The following SLC2A13 variants were observed in gnomAD, a reference collection of about 807,000 sequenced individuals.
The protein encoded by SLC2A13 is proton myo-inositol cotransporter.
A neutral mutation model predicts 64.4 loss-of-function variants in SLC2A13; 32 were observed. That is an observed-to-expected ratio of 0.50 (90% confidence interval 0.37 to 0.67). The LOEUF is 0.67. Among genes scored for constraint, SLC2A13 ranks in the 30% least tolerant of loss-of-function variants. The pLI is 0.00. For missense variants in SLC2A13, 743 were observed against 829.2 expected, an observed-to-expected ratio of 0.90 and a Z score of 1.28; for synonymous variants, 338 against 327.1, an observed-to-expected ratio of 1.03 and a Z score of -0.36.
chr12:39,959,481 G>A (rs1329993831), intron 3 of SLC2A13, among the ~76,000 whole-genome samples: 1 of 152,182 alleles, frequency 6.6e-6, no homozygotes, highest in Non-Finnish European at 1.5e-5. Flanking sequence ...TATTATTCCA[G>A]GTTGCTAATG....
intron 4 of SLC2A13, among the ~76,000 whole-genome samples, chr12:39,923,162 GGAA>G (rs1030345332): frequency 6.6e-5 from 10 of 152,058 alleles, no homozygotes; most frequent in African/African-American, 2.2e-4. Flanking sequence ...AAAAAATGAA[GGAA>G]GAAGAATTGA....
At chr12:39,853,623 A>C (rs1466568292) in intron 6 of SLC2A13, among the ~76,000 whole-genome samples, 1 of 138,704 alleles carries the variant, frequency 7.2e-6, no homozygotes, top group African/African-American at 2.7e-5. Context: ...TTTTTTGTTA[A>C]GTAATTTTCC....
At chr12:39,828,316 AT>A (rs549786130) in intron 7 of SLC2A13, among the ~76,000 whole-genome samples, 78 of 148,636 alleles carry the variant, frequency 5.2e-4, no homozygotes, top group South Asian at 1.5e-3. Context: ...TGTGAACATC[AT>A]TTTTTTTTTA....
intron 4 of SLC2A13, among the ~76,000 whole-genome samples, chr12:39,935,979 G>T (rs1945910800): frequency 6.6e-6 from 1 of 152,120 alleles, no homozygotes; most frequent in Non-Finnish European, 1.5e-5. Flanking sequence ...ATATACCCTT[G>T]CGTAGGGCAG....
chr12:39,830,081 T>C (rs1376506322), intron 7 of SLC2A13, 22 bp downstream of exon 7: 2 of 1,612,984 alleles, frequency 1.2e-6, no homozygotes, highest in African/African-American at 1.3e-5. Flanking sequence ...TATATATTCG[T>C]ATGGTAAAAT....
chr12:39,944,671 G>C (rs917881410), intron 4 of SLC2A13, among the ~76,000 whole-genome samples: 1 of 152,164 alleles, frequency 6.6e-6, no homozygotes, highest in East Asian at 1.9e-4. Flanking sequence ...CCCCCTGCTT[G>C]CTTTTGGTGT....
intron 7 of SLC2A13, among the ~76,000 whole-genome samples, chr12:39,779,157 C>A (rs760779098): frequency 6.6e-6 from 1 of 152,184 alleles, no homozygotes; most frequent in Non-Finnish European, 1.5e-5. Context: ...CGGGGTGCAA[C>A]TGAAGACTGG....
rs2135926606 is a variant in SLC2A13 at position 39,864,753 on chromosome 12, G to A, written c.1319+9C>T. On this transcript the variant is annotated intron_variant, in intron 6 of 9. Transcript: ENST00000280871. ...CATGTAAAGGAAGAAGAACATAATG[G>A]AATCTCACCTGTATCTTGTGCAAGT... 6.2e-7 allele frequency: 1 copy of A among 1,612,200 alleles called. No individual in the cohort carries two copies. Among genetic ancestry groups the A allele is most frequent in the South Asian group, 1.1e-5 (1 of 90,642 alleles).
intron 7 of SLC2A13, among the ~76,000 whole-genome samples, chr12:39,768,856 TG>T (rs1940458698): frequency 3.3e-5 from 5 of 152,074 alleles, no homozygotes; most frequent in Admixed American, 3.3e-4. Flanking sequence ...ACTGGCTTGA[TG>T]CAGGGCTGCC....
chr12:39,831,269 C>A (rs1337213785), intron 6 of SLC2A13, among the ~76,000 whole-genome samples: 1 of 152,072 alleles, frequency 6.6e-6, no homozygotes, highest in Non-Finnish European at 1.5e-5. Flanking sequence ...AGCTGGGAAC[C>A]GTTTTAAATG....
chr12:39,969,648 T>C (rs999557417), intron 3 of SLC2A13, among the ~76,000 whole-genome samples: 11 of 152,176 alleles, frequency 7.2e-5, no homozygotes, highest in Non-Finnish European at 1.5e-4. Flanking sequence ...GATGGGGTTG[T>C]TTGTTTTTTT....
intron 4 of SLC2A13, among the ~76,000 whole-genome samples, chr12:39,891,952 TGGGA>T (rs1944619993): frequency 6.6e-6 from 1 of 152,202 alleles, no homozygotes; most frequent in Non-Finnish European, 1.5e-5. Context: ...AATCCTATTT[TGGGA>T]AATATGGTTA....
At chr12:39,921,671 T>C (rs1945617279) in intron 4 of SLC2A13, among the ~76,000 whole-genome samples, 1 of 152,124 alleles carries the variant, frequency 6.6e-6, no homozygotes, top group Admixed American at 6.5e-5. Flanking sequence ...TGAGGCAGCA[T>C]TTAAGCGAAA....
At chr12:40,092,256 T>C (rs1053002948) in intron 1 of SLC2A13, among the ~76,000 whole-genome samples, 1 of 152,208 alleles carries the variant, frequency 6.6e-6, no homozygotes, top group Non-Finnish European at 1.5e-5. Context: ...TTGGACAATG[T>C]AACTTTCCAC....
intron 3 of SLC2A13, among the ~76,000 whole-genome samples, chr12:40,008,594 G>C (rs1277390543): frequency 6.7e-6 from 1 of 150,180 alleles, no homozygotes; most frequent in East Asian, 2.0e-4. Context: ...CTGGGCGACA[G>C]AGCGAGACTG....
chr12:40,008,978 G>T (rs919282243), intron 3 of SLC2A13, among the ~76,000 whole-genome samples: 1 of 152,198 alleles, frequency 6.6e-6, no homozygotes, highest in Non-Finnish European at 1.5e-5. Flanking sequence ...ATATCACAGA[G>T]AAGTTTAAAG....
intron 3 of SLC2A13, among the ~76,000 whole-genome samples, chr12:40,010,895 G>T (rs1217524066): frequency 6.6e-6 from 1 of 152,158 alleles, no homozygotes; most frequent in African/African-American, 2.4e-5. Context: ...AGCTGTGAGT[G>T]TGTTGTGTTT....
At chr12:40,019,835 A>G (rs1947683209) in intron 3 of SLC2A13, among the ~76,000 whole-genome samples, 1 of 152,176 alleles carries the variant, frequency 6.6e-6, no homozygotes, top group Non-Finnish European at 1.5e-5. Context: ...AAAACGTGAG[A>G]CACTTACACA....
intron 4 of SLC2A13, among the ~76,000 whole-genome samples, chr12:39,891,909 C>T (rs1944618738): frequency 6.6e-6 from 1 of 151,938 alleles, no homozygotes. Context: ...TATGGTTTTT[C>T]TAAAAAAATT....
Sources: gnomAD v4.1 joint callset for allele counts (sites outside exome capture counted in the v4.1 genomes callset) on GRCh38, gnomAD v4.1.1 for gene constraint, MANE v1.5 for transcripts, NCBI Gene and HGNC (gene_info 2026-07-23, HGNC 2026-07-21) for gene names.